Variants in PPP6R1 observed in about 807,000 individuals in gnomAD.
PPP6R1 encodes the protein protein phosphatase 6 regulatory subunit 1.
PPP6R1 carries 39 observed loss-of-function variants against 104.6 expected under a neutral mutation model. The observed-to-expected ratio is 0.37, with a 90% CI of 0.29 to 0.49. The LOEUF (loss-of-function observed/expected upper bound fraction) is 0.49, where lower values mean the gene tolerates loss of function less well. Ranked by LOEUF, PPP6R1 falls within the 20% of genes least tolerant of loss-of-function variation. The probability of loss-of-function intolerance (pLI) is 0.98; values close to 1 mark genes in which losing one functional copy is unlikely to be tolerated. For synonymous variants in PPP6R1, 549 were observed against 479.0 expected, an observed-to-expected ratio of 1.15 and a Z score of -1.91; for missense variants, 1,181 against 1,155.8, an observed-to-expected ratio of 1.02 and a Z score of -0.32.
At position 55,231,940 on chromosome 19, in the gene PPP6R1, G is replaced by A. The variant is rs773047517; in HGVS notation, c.2168C>T (p.Ala723Val). Reference sequence around the variant, plus strand: ...CCCGGAGACTCGGGGGCTGGTCGGGGCATCTGTAGGCACTGGGTCAAAGGT... The same window carrying A: ...CCCGGAGACTCGGGGGCTGGTCGGGACATCTGTAGGCACTGGGTCAAAGGT... ...TATFDPVPTD[A>V]PTSPRVSGEE... Residue 723 changes from alanine to valine, a missense_variant, in exon 19 of 24, where the codon GCC becomes GTC. Physicochemically the swap from Ala to Val is moderately conservative, Grantham distance 64. Coordinates refer to ENST00000412770, the MANE Select transcript of PPP6R1 (RefSeq NM_014931.4). 7 of 1,580,660 alleles carry A rather than the reference G, an allele frequency of 4.4e-6. No homozygotes were observed. Among genetic ancestry groups the A allele is most frequent in the Non-Finnish European group, 6.0e-6 (7 of 1,159,894 alleles).
chr19:55,247,777 C>T (rs905784436), intron 1 of PPP6R1, among the ~76,000 whole-genome samples: 1 of 152,160 alleles, frequency 6.6e-6, no homozygotes, highest in Admixed American at 6.5e-5. Context: ...CACAAACACA[C>T]CCCAACCATC....
chr19:55,250,635 G>A (rs1355210256), intron 1 of PPP6R1, among the ~76,000 whole-genome samples: 1 of 152,174 alleles, frequency 6.6e-6, no homozygotes, highest in Non-Finnish European at 1.5e-5. Context: ...AGGATGGAGG[G>A]CTGTGGTCCT....
At chr19:55,252,114 G>A (rs969258175) in intron 1 of PPP6R1, among the ~76,000 whole-genome samples, 1 of 152,176 alleles carries the variant, frequency 6.6e-6, no homozygotes. Context: ...GAGCTGGCGG[G>A]GATTGGGCGA....
intron 1 of PPP6R1, among the ~76,000 whole-genome samples, chr19:55,256,442 C>T (rs1015387754): frequency 6.6e-5 from 10 of 152,262 alleles, no homozygotes; most frequent in African/African-American, 1.4e-4. Flanking sequence ...CTCCAGATAT[C>T]GCCAATCGTC....
Position 55,230,325 on chromosome 19 carries a change from G to A in PPP6R1, c.*203C>T, listed in dbSNP as rs2087328515. ...CTGTATCTTTATTCTAGGAGGCAAC[G>A]CTCCAAAACTTCTCTTCTCAGTGCA... On this transcript the variant is annotated 3_prime_UTR_variant, in exon 24 of 24. Coordinates refer to ENST00000412770, the MANE Select transcript of PPP6R1 (RefSeq NM_014931.4). 6 of 638,498 alleles carry A rather than the reference G, an allele frequency of 9.4e-6. No individual in the cohort carries two copies. Among genetic ancestry groups the A allele is most frequent in the East Asian group, 2.7e-5 (1 of 36,414 alleles). 39.6% of individuals were successfully genotyped at this position (638,498 alleles called of 1,614,324 possible). A position where few individuals can be genotyped will look rare whatever the true frequency, so the allele number is the denominator to read the frequency against.
chr19:55,247,886 G>A (rs1333674356), intron 1 of PPP6R1, among the ~76,000 whole-genome samples: 2 of 152,204 alleles, frequency 1.3e-5, no homozygotes, highest in Non-Finnish European at 1.5e-5. Context: ...AACCCAGGGT[G>A]GGATAGACAG....
intron 1 of PPP6R1, among the ~76,000 whole-genome samples, chr19:55,254,687 G>A (rs2087579233): frequency 6.6e-6 from 1 of 152,194 alleles, no homozygotes; most frequent in African/African-American, 2.4e-5. Context: ...CTCAGCAGAA[G>A]CTCCAACGCC....
At position 55,245,927 on chromosome 19, in the gene PPP6R1, G is replaced by C. The variant is rs2122671347; in HGVS notation, c.228-249C>G. Among the ~76,000 whole-genome samples the C allele has an allele frequency of 6.6e-6, 1 of 152,202 alleles. No homozygotes were observed. The highest frequency in any genetic ancestry group is 1.9e-4 in the East Asian group (1 of 5,162). Reference sequence around the variant, plus strand: ...ACCACCCCCAAGACAAGCTGGTCCTGAAGCTCCTGCGCTTCCCAATCCCCC... The same window carrying C: ...ACCACCCCCAAGACAAGCTGGTCCTCAAGCTCCTGCGCTTCCCAATCCCCC... On this transcript the variant is annotated intron_variant, in intron 2 of 23. Coordinates refer to ENST00000412770, the MANE Select transcript of PPP6R1 (RefSeq NM_014931.4). This position sits in a 1 kb window ranked among gnomAD's most constrained non-coding sequence, Gnocchi z 6.4.
rs1285115653 is a variant in PPP6R1, at chr19:55,240,494, A to C, written c.1297-194T>G. On this transcript the variant is annotated intron_variant, in intron 10 of 23. Transcript: ENST00000412770. ...CCACCCAAGTCTCTCTGGTCTTTCT[A>C]CAAAAGAATATGTGGTGCATACACA... Among the ~76,000 whole-genome samples the C allele has an allele frequency of 2.0e-5, 3 of 150,938 alleles. No homozygotes were observed. In the East Asian group the frequency reaches 5.8e-4, roughly 29 times the overall value.
intron 5 of PPP6R1, among the ~76,000 whole-genome samples, chr19:55,243,815 G>A (rs2087481940): frequency 1.3e-5 from 2 of 151,968 alleles, no homozygotes; most frequent in South Asian, 2.1e-4. Flanking sequence ...ACCAATGCCA[G>A]CTAATTTTTC....
Position 55,231,036 on chromosome 19 carries a change from C to T in PPP6R1, c.2460-152G>A, listed in dbSNP as rs144004329. On this transcript the variant is annotated intron_variant, in intron 21 of 23. Coordinates refer to ENST00000412770, the MANE Select transcript of PPP6R1 (RefSeq NM_014931.4). ...CCTCCCGAGGACGCAGCTGGCTCAGCGTGGAGGGACAGCACAGCCCTGGAC... is the reference window on the plus strand; with the variant it reads ...CCTCCCGAGGACGCAGCTGGCTCAGTGTGGAGGGACAGCACAGCCCTGGAC... 1.2e-4 allele frequency: 84 copies of T among 685,048 alleles called. 2 individuals carry two copies. Among genetic ancestry groups the T allele is most frequent in the South Asian group, 4.0e-4 (23 of 57,522 alleles). 42.4% of individuals were successfully genotyped at this position (685,048 alleles called of 1,614,324 possible).
Position 55,241,865 on chromosome 19 carries a change from G to A in PPP6R1, c.846-226C>T, listed in dbSNP as rs541702576. Among the ~76,000 whole-genome samples, 6 of 152,350 alleles carry A rather than the reference G, an allele frequency of 3.9e-5. No homozygotes were observed. The highest frequency in any genetic ancestry group is 1.3e-4 in the Admixed American group (2 of 15,308). On this transcript the variant is annotated intron_variant, in intron 7 of 23. Coordinates refer to ENST00000412770, the MANE Select transcript of PPP6R1 (RefSeq NM_014931.4). The surrounding 1 kb of genome is among the most constrained non-coding windows in gnomAD (Gnocchi z 5.4). ...GTGAGAGCACGGGTGAGGGGTGGAG[G>A]CGGGAAGGCAAACCCAACAGGCTAG...
chr19:55,233,616 A>G (rs1052775657), intron 17 of PPP6R1, among the ~76,000 whole-genome samples: 2 of 152,258 alleles, frequency 1.3e-5, no homozygotes, highest in Non-Finnish European at 2.9e-5. Context: ...AAAGATCAAC[A>G]TACAAAAACC....
Position 55,236,589 on chromosome 19 carries a change from T to C in PPP6R1, c.1988+54A>G, listed in dbSNP as rs1018741052. 3.4e-6 allele frequency: 5 copies of C among 1,458,338 alleles called. No homozygotes were observed. In the African/African-American group the frequency reaches 5.7e-5, roughly 17 times the overall value. 90.3% of individuals were successfully genotyped at this position (1,458,338 alleles called of 1,614,324 possible). ...AGTCCAAATGTGTTGGGGGGACCCC[T>C]TGGCCCTGCCGTGTGGTGGAAGCTT... is the stretch of plus-strand genomic sequence containing the variant. On this transcript the variant is annotated intron_variant, in intron 17 of 23. Transcript: ENST00000412770.
rs966348480 is a variant in PPP6R1, at chr19:55,230,255, TATATA to T, written c.*268_*272del. 2.4e-4 allele frequency: 131 copies of T among 538,834 alleles called. No individual in the cohort carries two copies. The East Asian group carries it at 2.9e-3, about 12-fold the overall frequency. 33.4% of individuals were successfully genotyped at this position (538,834 alleles called of 1,614,324 possible). The stretch of plus-strand genomic sequence containing the variant: ...CGCTCTCCTCCCTCTCTCTATATAA[TATATA>T]ATATATGTTTCTCTCTCTCCATTCT... On this transcript the variant is annotated 3_prime_UTR_variant, in exon 24 of 24. Coordinates refer to ENST00000412770, the MANE Select transcript of PPP6R1 (RefSeq NM_014931.4).
In PPP6R1 at chr19:55,239,873, C is replaced by T. The variant is rs763530340; in HGVS notation, c.1516G>A (p.Val506Ile). ...TTGGTCTCCGCCAGGGGCCCCGATA[C>T]GAAGGCTTCCCACTGCTCCTGCTGC... ...SEQQEQWEAF[V>I]SGPLAETNKK... The change falls in exon 13 of 24, where the codon GTA becomes ATA. Residue 506 changes from valine to isoleucine, a missense_variant. Around this residue, in one of 2 missense-constraint regions of PPP6R1, gnomAD observed 1,042 missense variants for 955.6 expected, o/e 1.09. Coordinates refer to ENST00000412770, the MANE Select transcript of PPP6R1 (RefSeq NM_014931.4). 5.0e-6 allele frequency: 8 copies of T among 1,613,936 alleles called. No individual in the cohort carries two copies. The highest frequency in any genetic ancestry group is 1.1e-5 in the South Asian group (1 of 91,084).
intron 2 of PPP6R1, 50 bp downstream of exon 2, chr19:55,246,827 G>GT (rs2087512807): frequency 7.0e-7 from 1 of 1,431,792 alleles, no homozygotes. Context: ...CGTAGTGAAG[G>GT]TATGTGTGAT....
intron 17 of PPP6R1, chr19:55,232,698 C>T (rs1600103759): frequency 6.3e-6 from 1 of 157,834 alleles, no homozygotes; most frequent in Non-Finnish European, 1.4e-5. Context: ...GCTGTATCCT[C>T]AGCCCTGAGA....
intron 1 of PPP6R1, among the ~76,000 whole-genome samples, chr19:55,250,062 C>T (rs546884201): frequency 6.6e-6 from 1 of 152,284 alleles, no homozygotes; most frequent in East Asian, 1.9e-4. Flanking sequence ...CTGCACAGCC[C>T]GTGGCTGCCT....
Sources: allele counts gnomAD v4.1 joint callset (sites outside exome capture counted in the v4.1 genomes callset), GRCh38; gene constraint gnomAD v4.1.1; regional missense constraint gnomAD v4.1.1; non-coding constraint Gnocchi (gnomAD v3.1); transcripts MANE v1.5; gene names NCBI Gene and HGNC (gene_info 2026-07-23, HGNC 2026-07-21).